MACF1: variants seen among roughly 807,000 people sequenced by gnomAD.
MACF1 encodes the protein microtubule actin crosslinking factor 1.
MACF1 carries 193 observed loss-of-function variants against 854.8 expected under a neutral mutation model. The observed-to-expected ratio is 0.23, with a 90% CI of 0.20 to 0.25. The LOEUF is 0.25. MACF1 is among the 10% of genes least tolerant of loss of function. The probability of loss-of-function intolerance (pLI) is 1.00; values close to 1 mark genes in which losing one functional copy is unlikely to be tolerated. For synonymous variants in MACF1, 3,185 were observed against 3,226.7 expected (o/e 0.99, Z 0.44); for missense variants, 7,722 against 8,929.1 (o/e 0.86, Z 5.45).
At chr1:39,203,825 A>G (rs1401147294), upstream of MACF1, among the ~76,000 whole-genome samples, 1 of 152,164 alleles carries the variant, frequency 6.6e-6, no homozygotes, top group Non-Finnish European at 1.5e-5. Context: ...TGGATGCACA[A>G]TTTGTTTATA....
rs202114401 is a variant in MACF1, at chr1:39,332,901, G to T, written c.6313G>T (p.Val2105Leu). ...LKVINKVKLE[V>L]QRQLIGTQRE... The stretch of plus-strand genomic sequence containing the variant: ...GGTAATAAATAAAGTCAAATTAGAG[G>T]TACAAAGGCAGTTGATAGGTACCCA... The change falls in exon 37 of 101, where the codon GTA becomes TTA. Residue 2105 changes from valine to leucine, a missense_variant. Val to Leu is a conservative substitution (Grantham distance 32). Around this residue, in one of 15 missense-constraint regions of MACF1, gnomAD observed 1,531 missense variants for 1,601.6 expected, o/e 0.96. Coordinates refer to ENST00000564288, the MANE Select transcript of MACF1 (RefSeq NM_001394062.1). The T allele has an allele frequency of 6.2e-7, 1 of 1,614,008 alleles. No homozygotes were observed. Among genetic ancestry groups the T allele is most frequent in the East Asian group, 2.2e-5 (1 of 44,878 alleles).
chr1:39,384,669 C>T (rs998434616), intron 56 of MACF1, among the ~76,000 whole-genome samples: 1 of 152,174 alleles, frequency 6.6e-6, no homozygotes, highest in African/African-American at 2.4e-5. Context: ...TTATAAAATA[C>T]AGATTGTATA....
chr1:39,255,913 G>GGT (rs1219651271), intron 5 of MACF1, among the ~76,000 whole-genome samples: 1 of 152,092 alleles, frequency 6.6e-6, no homozygotes, highest in African/African-American at 2.4e-5. Flanking sequence ...AAGTGGCTTT[G>GGT]GTTACTATGA....
At chr1:39,314,818 T>G (rs184343907) in intron 26 of MACF1, among the ~76,000 whole-genome samples, 11 of 152,308 alleles carry the variant, frequency 7.2e-5, no homozygotes, top group Non-Finnish European at 1.3e-4. Flanking sequence ...CCTACCAAAC[T>G]AGAGTTTAAC....
intron 2 of MACF1, among the ~76,000 whole-genome samples, chr1:39,184,234 T>A (rs1319094247): frequency 6.6e-6 from 1 of 152,170 alleles, no homozygotes; most frequent in African/African-American, 2.4e-5. Flanking sequence ...CAACATCCTG[T>A]GCTAGTCATG....
chr1:39,184,526 G>T (rs541342119), intron 2 of MACF1, among the ~76,000 whole-genome samples: 1 of 152,258 alleles, frequency 6.6e-6, no homozygotes, highest in South Asian at 2.1e-4. Flanking sequence ...TCTTGTGGTG[G>T]TGGTGTTTTT....
chr1:39,190,405 T>TTG (rs1553160976), intron 2 of MACF1, among the ~76,000 whole-genome samples: 1 of 123,740 alleles, frequency 8.1e-6, no homozygotes, highest in South Asian at 3.2e-4. Flanking sequence ...GTTTTTGTTT[T>TTG]TTTTTTTTTT....
chr1:39,251,898 A>G lies in MACF1; in HGVS notation c.314A>G (p.His105Arg), dbSNP rs1256315050. 1.3e-6 allele frequency: 2 copies of G among 1,520,948 alleles called. No individual in the cohort carries two copies. Among genetic ancestry groups the G allele is most frequent in the South Asian group, 2.4e-5 (2 of 81,718 alleles). 94.2% of individuals were successfully genotyped at this position (1,520,948 alleles called of 1,614,324 possible). Residue 105 changes from histidine to arginine, a missense_variant, in exon 4 of 101, where the codon CAT (histidine) becomes CGT (arginine). Transcript: ENST00000564288. ...CTGGTGAGCATGCCCTCCTGGTGCC[A>G]TACAAACAACGAGGAGCAGGCGGAG... ...LRLVSMPSWC[H>R]TNNEEQAEED...
rs900843847 is a variant in MACF1, at chr1:39,451,221, A to G, written c.20418+10A>G. 1.9e-6 allele frequency: 3 copies of G among 1,612,242 alleles called. No homozygotes were observed. The highest frequency in any genetic ancestry group is 3.3e-5 in the Admixed American group (2 of 59,780). ...CATGGATGCACACAAGGTAGGGGTG[A>G]GGTCTGGGCTACATTGGAGTGCAGT... On this transcript the variant is annotated intron_variant, in intron 85 of 100. Coordinates refer to ENST00000564288, the MANE Select transcript of MACF1 (RefSeq NM_001394062.1).
chr1:39,089,273 G>C (rs1363786714), intron 2 of MACF1, among the ~76,000 whole-genome samples: 1 of 152,148 alleles, frequency 6.6e-6, no homozygotes, highest in East Asian at 1.9e-4. Flanking sequence ...GGAGTGCAGT[G>C]ACTCAGAGCT....
intron 43 of MACF1, 30 bp downstream of exon 43, chr1:39,351,048 T>A: frequency 1.3e-6 from 2 of 1,542,364 alleles, no homozygotes; most frequent in Non-Finnish European, 1.8e-6. Context: ...CTTGATATTT[T>A]TCAAAAAAGA....
intron 52 of MACF1, among the ~76,000 whole-genome samples, chr1:39,377,824 T>G (rs932801438): frequency 6.6e-6 from 1 of 151,972 alleles, no homozygotes; most frequent in African/African-American, 2.4e-5. Flanking sequence ...ACCAACATAG[T>G]GAAACCCCGT....
intron 2 of MACF1, among the ~76,000 whole-genome samples, chr1:39,086,946 A>G (rs1641687781): frequency 6.6e-6 from 1 of 152,206 alleles, no homozygotes; most frequent in Non-Finnish European, 1.5e-5. Flanking sequence ...TAACTTGTGC[A>G]CTGCAGTTGG....
At position 39,332,360 on chromosome 1, in the gene MACF1, T is replaced by A. The variant is rs371247000; in HGVS notation, c.5772T>A (p.Asp1924Glu). 5.6e-6 allele frequency: 9 copies of A among 1,614,080 alleles called. No homozygotes were observed. Among genetic ancestry groups the A allele is most frequent in the Non-Finnish European group, 7.6e-6 (9 of 1,180,008 alleles). ...ANNLKSICIPDVMPHMQLADS... is the reference protein window; with the variant it reads ...ANNLKSICIPEVMPHMQLADS... ...ACTTAAAATCGATTTGTATACCTGA[T>A]GTGATGCCCCACATGCAACTAGCAG... The change falls in exon 37 of 101, where the codon GAT (aspartate) becomes GAA (glutamate). Residue 1924 changes from aspartate to glutamate, a missense_variant. Physicochemically the swap from Asp to Glu is conservative, Grantham distance 45. This residue lies in a region of MACF1 where 1,531 missense variants were observed against 1,601.6 expected (regional missense o/e 0.96). Transcript: ENST00000564288.
In MACF1 at chr1:39,283,624, T is replaced by C. The variant is rs1645593667; in HGVS notation, c.915+109T>C. 2.7e-6 allele frequency: 2 copies of C among 738,294 alleles called. No individual in the cohort carries two copies. Among genetic ancestry groups the C allele is most frequent in the South Asian group, 1.7e-5 (1 of 59,156 alleles). The allele number at this position is 738,294 out of a possible 1,614,324, so 45.7% of individuals were successfully genotyped here. On this transcript the variant is annotated intron_variant, in intron 9 of 100. Transcript: ENST00000564288. The surrounding 1 kb of genome is among the most constrained non-coding windows in gnomAD (Gnocchi z 4.5). Reference sequence around the variant, plus strand: ...ATGGTATACTCATGGTATCAAACTATATATCCAGTATCTTTATCATACATG... The same window carrying C: ...ATGGTATACTCATGGTATCAAACTACATATCCAGTATCTTTATCATACATG...
chr1:39,453,740 G>A lies in MACF1; in HGVS notation c.20776G>A (p.Asp6926Asn). Residue 6926 changes from aspartate (D) to asparagine (N), a missense_variant, in exon 88 of 101, where the codon GAC (aspartate) becomes AAC (asparagine). Transcript: ENST00000564288. ...GAAGAAAGTAGAAGAAAAGCGAGTG[G>A]ACGTTAACTCAGCAGTAGCCATGGG... ...FMKKVEEKRV[D>N]VNSAVAMGEV... 6.2e-7 allele frequency: 1 copy of A among 1,614,182 alleles called. No individual in the cohort carries two copies. The highest frequency in any genetic ancestry group is 8.5e-7 in the Non-Finnish European group (1 of 1,180,028).
rs759837643 is a variant in MACF1 at position 39,438,022 on chromosome 1, G to C, written c.18220+14G>C. On this transcript the variant is annotated intron_variant, in intron 71 of 100. Coordinates refer to ENST00000564288, the MANE Select transcript of MACF1 (RefSeq NM_001394062.1). ...TGGCTGCAAAAGGTGCTTGATGATT[G>C]TCATTATTTTTAAAAATCAACAGAA... is the stretch of plus-strand genomic sequence containing the variant. 6.2e-7 allele frequency: 1 copy of C among 1,605,806 alleles called. No homozygotes were observed. Among genetic ancestry groups the C allele is most frequent in the African/African-American group, 1.3e-5 (1 of 74,636 alleles).
chr1:39,345,894 C>G (rs769728398), intron 40 of MACF1, among the ~76,000 whole-genome samples: 12 of 151,484 alleles, frequency 7.9e-5, no homozygotes, highest in Non-Finnish European at 1.6e-4. Context: ...ATGGCAAAAC[C>G]CTGTCTCTAC....
chr1:39,418,500 A>G (rs1449312639), intron 58 of MACF1, among the ~76,000 whole-genome samples: 2 of 152,256 alleles, frequency 1.3e-5, no homozygotes, highest in African/African-American at 4.8e-5. Context: ...AAGATCATTT[A>G]GAGATCTAGA....
Sources: gnomAD v4.1 joint callset for allele counts (sites outside exome capture counted in the v4.1 genomes callset) on GRCh38, gnomAD v4.1.1 for gene constraint, gnomAD v4.1.1 regional missense constraint, Gnocchi (gnomAD v3.1) non-coding constraint, MANE v1.5 for transcripts, NCBI Gene and HGNC (gene_info 2026-07-23, HGNC 2026-07-21) for gene names.